Variants in TATDN3 observed in about 807,000 individuals in gnomAD.
TATDN3 encodes the protein TatD DNase domain containing 3.
A neutral mutation model predicts 40.1 loss-of-function variants in TATDN3; 29 were observed. That is an observed-to-expected ratio of 0.72 (90% CI 0.54 to 0.99). TATDN3 has a LOEUF of 0.99. Ranked by LOEUF, TATDN3 falls within the 50% of genes least tolerant of loss-of-function variation. The probability of loss-of-function intolerance (pLI) is 0.00; values close to 1 mark genes in which losing one functional copy is unlikely to be tolerated. For missense variants in TATDN3, 309 were observed against 321.9 expected (o/e 0.96, Z 0.31); for synonymous variants, 105 against 117.0 (o/e 0.90, Z 0.66).
At chr1:212,800,370 ACTT>A (rs1204476125) in intron 4 of TATDN3, among the ~76,000 whole-genome samples, 1 of 148,398 alleles carries the variant, frequency 6.7e-6, no homozygotes, top group East Asian at 1.9e-4. Flanking sequence ...TATGATAGGT[ACTT>A]CTTTTTTTTT....
Position 212,812,244 on chromosome 1 carries a change from T to G in TATDN3, c.601-4T>G, listed in dbSNP as rs200881707. The G allele has an allele frequency of 6.4e-7, 1 of 1,565,568 alleles. No individual in the cohort carries two copies. Among genetic ancestry groups the G allele is most frequent in the Non-Finnish European group, 8.6e-7 (1 of 1,160,132 alleles). ...AAACTTAGCTGCTTTCTCTTTTCTC[T>G]AAGAAGCAGAAACTTGTGAAACAAT... On this transcript the variant is annotated splice_region_variant and splice_polypyrimidine_tract_variant and intron_variant, in intron 8 of 9. Coordinates refer to ENST00000366974, the MANE Select transcript of TATDN3 (RefSeq NM_001042552.3).
chr1:212,805,462 GC>G (rs1381844246), intron 7 of TATDN3, among the ~76,000 whole-genome samples: 2 of 152,050 alleles, frequency 1.3e-5, no homozygotes, highest in African/African-American at 4.8e-5. Flanking sequence ...CACGATGTTG[GC>G]CAGGCTGGTC....
At chr1:212,794,134 A>G (rs1661560457) in intron 1 of TATDN3, among the ~76,000 whole-genome samples, 1 of 152,080 alleles carries the variant, frequency 6.6e-6, no homozygotes, top group South Asian at 2.1e-4. Context: ...CAAAAAAATT[A>G]GCTGGGCATG....
rs1350447062 is a variant in TATDN3 at position 212,796,561 on chromosome 1, A to G, written c.144A>G (p.Glu48=). The part of the protein sequence containing the change: ...ALVAVAEHSG[E]FEKIMQLSER... The stretch of plus-strand genomic sequence containing the variant: ...TGGCAGTTGCCGAACATTCAGGAGA[A>G]TTTGAAAAGATTATGCAACTTTCAG... The change falls in exon 3 of 10, where the codon GAA becomes GAG. Residue 48 remains glutamate, a synonymous_variant. Coordinates refer to ENST00000366974, the MANE Select transcript of TATDN3 (RefSeq NM_001042552.3). 4 of 1,567,808 alleles carry G rather than the reference A, an allele frequency of 2.6e-6. No individual in the cohort carries two copies. The highest frequency in any genetic ancestry group is 3.4e-6 in the Non-Finnish European group (4 of 1,160,224).
At chr1:212,807,994 A>G in intron 8 of TATDN3, 146 bp downstream of exon 8, 1 of 563,234 alleles carries the variant, frequency 1.8e-6, no homozygotes, top group Non-Finnish European at 3.0e-6. Flanking sequence ...AAATGAACTC[A>G]GAAATTGATC....
In TATDN3 at chr1:212,807,760, C is replaced by G; in HGVS notation, c.512C>G (p.Ala171Gly). ...EQGAEKVLLH[A>G]FDGRPSVAME... ...GGTGCTGAGAAGGTACTGCTGCATGCATTTGATGGTCGGCCATCTGTAGCC... is the reference window on the plus strand; with the variant it reads ...GGTGCTGAGAAGGTACTGCTGCATGGATTTGATGGTCGGCCATCTGTAGCC... Residue 171 changes from alanine to glycine, a missense_variant, in exon 8 of 10, where the codon GCA (alanine) becomes GGA (glycine). Physicochemically the swap from Ala to Gly is moderately conservative, Grantham distance 60. Coordinates refer to ENST00000366974, the MANE Select transcript of TATDN3 (RefSeq NM_001042552.3). 1 of 1,613,440 alleles carries G rather than the reference C, an allele frequency of 6.2e-7. No homozygotes were observed.
intron 7 of TATDN3, among the ~76,000 whole-genome samples, chr1:212,806,775 T>C (rs1224349959): frequency 9.3e-5 from 10 of 107,004 alleles, no homozygotes; most frequent in South Asian, 3.2e-4. Context: ...TATATATATA[T>C]ATATATATAC....
rs184827191 is a variant in TATDN3, at chr1:212,803,244, G to T, written c.321+481G>T. On this transcript the variant is annotated intron_variant, in intron 5 of 9. Transcript: ENST00000366974. The stretch of plus-strand genomic sequence containing the variant: ...ACAATCCCAGCTGGAGTGCAGTGGC[G>T]CAATCTCGGCTCACTGCAACCTCTG... Among the ~76,000 whole-genome samples, 571 of 151,234 alleles carry T rather than the reference G, an allele frequency of 3.8e-3. 14 individuals carry two copies. Among genetic ancestry groups the T allele is most frequent in the Admixed American group, 0.034 (515 of 15,160 alleles).
chr1:212,806,838 A>ATATATACACATATATACATATG lies in TATDN3; in HGVS notation c.488-832_488-811dup, dbSNP rs1338797082. Among the ~76,000 whole-genome samples the ATATATACACATATATACATATG allele has an allele frequency of 6.0e-3, 269 of 44,648 alleles. 21 individuals are homozygous for ATATATACACATATATACATATG. The highest frequency in any genetic ancestry group is 9.5e-3 in the African/African-American group (134 of 14,112). The allele number at this position is 44,648 out of a possible 152,430, so 29.3% of individuals were successfully genotyped here. ...TATACACATATATACATATATATACATATATACACATATATACATATGTAT... is the reference window on the plus strand; with the variant it reads ...TATACACATATATACATATATATACATATATACACATATATACATATGTATATACACATATATACATATGTAT... On this transcript the variant is annotated intron_variant, in intron 7 of 9. Transcript: ENST00000366974.
chr1:212,813,085 G>GT (rs1192986334), intron 9 of TATDN3, among the ~76,000 whole-genome samples: 3 of 152,128 alleles, frequency 2.0e-5, no homozygotes, highest in Non-Finnish European at 4.4e-5. Flanking sequence ...CTGGTATACA[G>GT]TAGGTATTCA....
chr1:212,812,252 A>C lies in TATDN3; in HGVS notation c.605A>C (p.Gln202Pro), dbSNP rs1199738227. ...PPSIIRSGQKQKLVKQLPLTS... is the reference protein window; with the variant it reads ...PPSIIRSGQKPKLVKQLPLTS... ...CTGCTTTCTCTTTTCTCTAAGAAGC[A>C]GAAACTTGTGAAACAATTGCCTTTA... The change falls in exon 9 of 10, where the codon CAG (glutamine) becomes CCG (proline). Residue 202 changes from glutamine (Q) to proline (P), a missense_variant. Gln to Pro is a moderately conservative substitution (Grantham distance 76). Transcript: ENST00000366974. The C allele has an allele frequency of 1.3e-6, 2 of 1,572,786 alleles. No individual in the cohort carries two copies. Among genetic ancestry groups the C allele is most frequent in the East Asian group, 4.6e-5 (2 of 43,076 alleles).
In TATDN3 at chr1:212,807,663, T is replaced by C; in HGVS notation, c.488-73T>C. The C allele has an allele frequency of 2.5e-6, 3 of 1,204,692 alleles. No homozygotes were observed. The South Asian group carries it at 4.3e-5, about 17-fold the overall frequency. The allele number at this position is 1,204,692 out of a possible 1,614,324, so 74.6% of individuals were successfully genotyped here. ...CTAGTGACCAACATTTACTTAAAAT[T>C]TCAGACTTCTGTTATTTAATTTGAT... On this transcript the variant is annotated intron_variant, in intron 7 of 9. Transcript: ENST00000366974.
At chr1:212,808,844 G>A (rs767975950) in intron 8 of TATDN3, among the ~76,000 whole-genome samples, 8 of 152,078 alleles carry the variant, frequency 5.3e-5, no homozygotes, top group Admixed American at 1.3e-4. Flanking sequence ...CCACCCCTAG[G>A]TAGATACCCA....
rs1327849976 is a variant in TATDN3 at position 212,816,446 on chromosome 1, C to T, written c.*1290C>T. On this transcript the variant is annotated 3_prime_UTR_variant, in exon 10 of 10. Transcript: ENST00000366974. ...ATGCCACTGAACTGTACACTTATAA[C>T]GAATTAGGATAAATTTTATGTTATG... The T allele has an allele frequency of 2.6e-5, 4 of 152,112 alleles. No homozygotes were observed. Among genetic ancestry groups the T allele is most frequent in the Non-Finnish European group, 2.9e-5 (2 of 68,032 alleles). The allele number at this position is 152,112 out of a possible 1,614,324, so 9.4% of individuals were successfully genotyped here.
intron 9 of TATDN3, 132 bp from the exon 10 acceptor site, chr1:212,814,881 A>G: frequency 1.0e-6 from 1 of 991,878 alleles, no homozygotes; most frequent in Non-Finnish European, 1.5e-6. Flanking sequence ...CCTCATCCCC[A>G]CCTAAAAAGA....
Position 212,797,101 on chromosome 1 carries a change from T to C in TATDN3, c.174-11T>C, listed in dbSNP as rs1661820621. ...CTGTTCCTGCTTTCTCAGTTGGTTC[T>C]ACATTTTTAGGTATAATGGGTTTGT... is the stretch of plus-strand genomic sequence containing the variant. On this transcript the variant is annotated splice_polypyrimidine_tract_variant and intron_variant, in intron 3 of 9. Coordinates refer to ENST00000366974, the MANE Select transcript of TATDN3 (RefSeq NM_001042552.3). 2 of 1,612,192 alleles carry C rather than the reference T, an allele frequency of 1.2e-6. No individual in the cohort carries two copies. The highest frequency in any genetic ancestry group is 1.1e-5 in the South Asian group (1 of 91,042).
At chr1:212,796,462 ATAATT>A in intron 2 of TATDN3, 50 bp from the exon 3 acceptor site, 2 of 1,323,710 alleles carry the variant, frequency 1.5e-6, no homozygotes, top group Non-Finnish European at 2.0e-6. Context: ...AAAATTTTCT[ATAATT>A]TATATTAAAT....
intron 5 of TATDN3, among the ~76,000 whole-genome samples, chr1:212,803,320 T>C (rs1465909269): frequency 6.6e-6 from 1 of 151,882 alleles, no homozygotes; most frequent in African/African-American, 2.4e-5. Flanking sequence ...CTAGCTGGGA[T>C]TACAGGCATG....
At chr1:212,795,774 T>G (rs1284958241) in intron 2 of TATDN3, among the ~76,000 whole-genome samples, 1 of 151,932 alleles carries the variant, frequency 6.6e-6, no homozygotes, top group African/African-American at 2.4e-5. Flanking sequence ...TTTCTCGACT[T>G]TACCTCATTC....
Sources: gnomAD v4.1 joint callset for allele counts (sites outside exome capture counted in the v4.1 genomes callset) on GRCh38, gnomAD v4.1.1 for gene constraint, MANE v1.5 for transcripts, NCBI Gene and HGNC (gene_info 2026-07-23, HGNC 2026-07-21) for gene names.